The following TIMMDC1 variants were observed in gnomAD, a reference collection of about 807,000 sequenced individuals.
The protein encoded by TIMMDC1 is translocase of inner mitochondrial membrane domain containing 1, also known as complex I assembly factor TIMMDC1, mitochondrial.
TIMMDC1 carries 25 observed loss-of-function variants against 32.6 expected under a neutral mutation model. The ratio of observed to expected loss-of-function variants is 0.77; its 90% CI spans 0.56 to 1.07. The LOEUF (loss-of-function observed/expected upper bound fraction) is 1.07, where lower values mean the gene tolerates loss of function less well. Among genes scored for constraint, TIMMDC1 ranks in the 50% least tolerant of loss-of-function variants. The pLI, the probability that TIMMDC1 is intolerant of heterozygous loss-of-function variation, is 0.00. For missense variants in TIMMDC1, 329 were observed against 349.2 expected, an observed-to-expected ratio of 0.94 and a Z score of 0.46; for synonymous variants, 130 against 127.6, an observed-to-expected ratio of 1.02 and a Z score of -0.13.
In TIMMDC1 at chr3:119,524,764, G is replaced by C. The variant is rs1319046678; in HGVS notation, c.*1008G>C. ...TAGAGAAAGGAGTCATGAGTAACAT[G>C]AACAGCAGTTGGCTATGTCTTTCCA... is the stretch of plus-strand genomic sequence containing the variant. On this transcript the variant is annotated 3_prime_UTR_variant, in exon 7 of 7. Coordinates refer to ENST00000494664, the MANE Select transcript of TIMMDC1 (RefSeq NM_016589.4). The C allele has an allele frequency of 1.3e-5, 2 of 152,194 alleles. No homozygotes were observed. The highest frequency in any genetic ancestry group is 4.8e-5 in the African/African-American group (2 of 41,438). 9.4% of individuals were successfully genotyped at this position (152,194 alleles called of 1,614,324 possible).
At chr3:119,513,765 A>G in intron 5 of TIMMDC1, 46 bp downstream of exon 5, 1 of 1,223,608 alleles carries the variant, frequency 8.2e-7, no homozygotes, top group Non-Finnish European at 1.2e-6. Flanking sequence ...AATTTTCATT[A>G]ATACCTTGCC....
chr3:119,523,706 C>T lies in TIMMDC1; in HGVS notation c.808C>T (p.Leu270=). ...ENDAKKIEAL[L]NLPRNPSVID... is the part of the protein sequence containing the mutation. ...TGATGCTAAGAAAATTGAAGCACTG[C>T]TAAACCTTCCTAGAAACCCTTCAGT... is the stretch of plus-strand genomic sequence containing the variant. Residue 270 remains leucine (L), a synonymous_variant, in exon 7 of 7, where the codon CTA becomes TTA. Coordinates refer to ENST00000494664, the MANE Select transcript of TIMMDC1 (RefSeq NM_016589.4). 1 of 1,612,992 alleles carries T rather than the reference C, an allele frequency of 6.2e-7. No homozygotes were observed. The highest frequency in any genetic ancestry group is 8.5e-7 in the Non-Finnish European group (1 of 1,179,568).
intron 6 of TIMMDC1, among the ~76,000 whole-genome samples, chr3:119,522,691 A>G (rs775115394): frequency 1.3e-5 from 2 of 152,170 alleles, no homozygotes; most frequent in Non-Finnish European, 2.9e-5. Context: ...ATGTACAATT[A>G]TTAGTATCAA....
At chr3:119,505,427 G>A (rs866808335) in intron 4 of TIMMDC1, among the ~76,000 whole-genome samples, 1 of 151,594 alleles carries the variant, frequency 6.6e-6, no homozygotes, top group South Asian at 2.1e-4. Flanking sequence ...ACAATGGCGC[G>A]ATCTCAGCTC....
At chr3:119,519,128 G>A (rs2082006587) in intron 6 of TIMMDC1, among the ~76,000 whole-genome samples, 1 of 37,254 alleles carries the variant, frequency 2.7e-5, no homozygotes, top group East Asian at 1.1e-3. Flanking sequence ...ATACAGAAAG[G>A]AATCAAACCT....
chr3:119,498,960 G>C (rs772128312), intron 1 of TIMMDC1, 33 bp downstream of exon 1: 16 of 1,606,028 alleles, frequency 1.0e-5, no homozygotes, highest in South Asian at 9.9e-5. Context: ...GTGGGGTAGG[G>C]GGCCGCGAAA....
intron 4 of TIMMDC1, among the ~76,000 whole-genome samples, chr3:119,506,383 G>T (rs747788146): frequency 9.9e-5 from 15 of 152,164 alleles, no homozygotes; most frequent in Middle Eastern, 3.2e-3. Flanking sequence ...TCTGGGCATG[G>T]TGATTCATGC....
intron 6 of TIMMDC1, among the ~76,000 whole-genome samples, chr3:119,521,720 G>A (rs990503000): frequency 2.0e-5 from 3 of 151,282 alleles, no homozygotes; most frequent in Non-Finnish European, 4.4e-5. Context: ...GGGCGGGGGA[G>A]CTTGGGGGGA....
chr3:119,504,075 G>A, intron 4 of TIMMDC1, 54 bp downstream of exon 4: 2 of 1,368,924 alleles, frequency 1.5e-6, no homozygotes, highest in Non-Finnish European at 2.1e-6. Flanking sequence ...TTTAGAAAAT[G>A]TGTAAGGACT....
chr3:119,502,819 CA>C (rs1306043331), intron 2 of TIMMDC1, among the ~76,000 whole-genome samples: 1 of 152,122 alleles, frequency 6.6e-6, no homozygotes, highest in African/African-American at 2.4e-5. Flanking sequence ...AGTTGCCTCC[CA>C]AAGTGCTGAG....
intron 6 of TIMMDC1, among the ~76,000 whole-genome samples, chr3:119,519,310 C>T (rs182573706): frequency 4.0e-4 from 61 of 152,104 alleles, no homozygotes; most frequent in Admixed American, 4.0e-3. Flanking sequence ...TTTAGAGTGG[C>T]TGAATGAATA....
intron 3 of TIMMDC1, 35 bp from the exon 4 acceptor site, chr3:119,503,919 A>T (rs1276718964): frequency 3.8e-6 from 6 of 1,560,558 alleles, no homozygotes; most frequent in South Asian, 3.3e-5. Context: ...ATATGCTTTA[A>T]ATCTTATATT....
chr3:119,509,951 TG>T (rs1008263902), intron 4 of TIMMDC1, among the ~76,000 whole-genome samples: 108 of 152,302 alleles, frequency 7.1e-4, no homozygotes, highest in African/African-American at 2.6e-3. Context: ...CCCAAAGTGC[TG>T]GGATTTCAGG....
At chr3:119,511,732 A>C (rs929373906) in intron 4 of TIMMDC1, among the ~76,000 whole-genome samples, 6 of 152,232 alleles carry the variant, frequency 3.9e-5, no homozygotes, top group Non-Finnish European at 7.3e-5. Flanking sequence ...AAAAGAAAGG[A>C]TAGCTCAGTT....
Position 119,504,131 on chromosome 3 carries a change from C to G in TIMMDC1, c.517+110C>G, listed in dbSNP as rs113524429. 50 of 791,752 alleles carry G rather than the reference C, an allele frequency of 6.3e-5. No individual in the cohort carries two copies. The Middle Eastern group carries it at 1.0e-3, about 16-fold the overall frequency. The allele number at this position is 791,752 out of a possible 1,614,324, so 49.0% of individuals were successfully genotyped here. A position where few individuals can be genotyped will look rare whatever the true frequency, so the allele number is the denominator to read the frequency against. On this transcript the variant is annotated intron_variant, in intron 4 of 6. Coordinates refer to ENST00000494664, the MANE Select transcript of TIMMDC1 (RefSeq NM_016589.4). Reference sequence around the variant, plus strand: ...TTCTTTGGTTGGCTTCCCATTACATCTCATCAACATTGATGCAAAATGTAT... The same window carrying G: ...TTCTTTGGTTGGCTTCCCATTACATGTCATCAACATTGATGCAAAATGTAT...
chr3:119,512,173 G>A (rs1446672086), intron 4 of TIMMDC1, among the ~76,000 whole-genome samples: 1 of 152,180 alleles, frequency 6.6e-6, no homozygotes, highest in Admixed American at 6.5e-5. Context: ...GTACCTCCAT[G>A]CAATGGAACT....
chr3:119,522,804 TTGTGTG>T (rs71156752), intron 6 of TIMMDC1, among the ~76,000 whole-genome samples: 23,736 of 148,670 alleles, frequency 0.16, 1,927 homozygotes, highest in East Asian at 0.32. Context: ...GTATGGGTGT[TTGTGTG>T]TGTGTGTGTG....
At chr3:119,510,298 G>T (rs925826912) in intron 4 of TIMMDC1, among the ~76,000 whole-genome samples, 1 of 152,042 alleles carries the variant, frequency 6.6e-6, no homozygotes, top group African/African-American at 2.4e-5. Flanking sequence ...TTTAATAAAT[G>T]TACAACTTCT....
Position 119,523,905 on chromosome 3 carries a change from T to C in TIMMDC1, c.*149T>C. 1.5e-6 allele frequency: 1 copy of C among 677,078 alleles called. No individual in the cohort carries two copies. 41.9% of individuals were successfully genotyped at this position (677,078 alleles called of 1,614,324 possible). On this transcript the variant is annotated 3_prime_UTR_variant, in exon 7 of 7. Coordinates refer to ENST00000494664, the MANE Select transcript of TIMMDC1 (RefSeq NM_016589.4). ...CAGTGGCTTGCTCTTGTCTTTTTCT[T>C]TTCTTTTTAACTAAGAATGGGGCTG...
Sources: gnomAD v4.1 joint callset for allele counts (sites outside exome capture counted in the v4.1 genomes callset) on GRCh38, gnomAD v4.1.1 for gene constraint, MANE v1.5 for transcripts, NCBI Gene and HGNC (gene_info 2026-07-23, HGNC 2026-07-21) for gene names.